POLR2B: variants seen among roughly 807,000 people sequenced by gnomAD.
POLR2B encodes the protein DNA-directed RNA polymerase II subunit RPB2.
In POLR2B, 57 loss-of-function variants were observed where a neutral mutation model predicts 144.6. The ratio of observed to expected loss-of-function variants is 0.39; its 90% confidence interval spans 0.32 to 0.49. The LOEUF is 0.49. Ranked by LOEUF, POLR2B falls within the 20% of genes least tolerant of loss-of-function variation. The pLI is 0.83. For missense variants in POLR2B, 595 were observed against 1,467.4 expected (o/e 0.41, Z 9.71); for synonymous variants, 442 against 469.8 (o/e 0.94, Z 0.77).
intron 16 of POLR2B, among the ~76,000 whole-genome samples, chr4:57,019,480 C>T (rs555562442): frequency 3.3e-5 from 5 of 152,150 alleles, no homozygotes; most frequent in South Asian, 2.1e-4. Flanking sequence ...GCCGGGATTA[C>T]AGATGTAAGC....
At position 56,993,302 on chromosome 4, in the gene POLR2B, C is replaced by CAAACA. The variant is rs538948323; in HGVS notation, c.244-1088_244-1084dup. Among the ~76,000 whole-genome samples, 83 of 151,880 alleles carry CAAACA rather than the reference C, an allele frequency of 5.5e-4. 1 individual carries two copies. In the South Asian group the frequency reaches 0.014, roughly 26 times the overall value. Reference sequence around the variant, plus strand: ...TGGGTGACAGAGTGAGACCCTGTCTCAAACAAAACAAAACAAAATGAAACA... The same window carrying CAAACA: ...TGGGTGACAGAGTGAGACCCTGTCTCAAACAAAACAAAACAAAACAAAATGAAACA... On this transcript the variant is annotated intron_variant, in intron 3 of 24. Coordinates refer to ENST00000314595, the MANE Select transcript of POLR2B (RefSeq NM_000938.3).
At chr4:56,984,567 G>A (rs926205269) in intron 1 of POLR2B, among the ~76,000 whole-genome samples, 4 of 152,138 alleles carry the variant, frequency 2.6e-5, no homozygotes, top group South Asian at 4.2e-4. Flanking sequence ...CATCTTACTT[G>A]CTTCTCCTGT....
In POLR2B at chr4:57,030,287, T is replaced by A; in HGVS notation, c.3323T>A (p.Phe1108Tyr). The change falls in exon 24 of 25, where the codon TTT becomes TAT. Residue 1108 changes from phenylalanine (F) to tyrosine (Y), a missense_variant. Physicochemically the swap from Phe to Tyr is conservative, Grantham distance 22. Coordinates refer to ENST00000314595, the MANE Select transcript of POLR2B (RefSeq NM_000938.3). ...GCCCAGTTTTTAAGGGAAAGATTGT[T>A]TGAGGCATCAGATCCATATCAGGTT... ...GAAQFLRERLFEASDPYQVHV... is the reference protein window; with the variant it reads ...GAAQFLRERLYEASDPYQVHV... 6.2e-7 allele frequency: 1 copy of A among 1,614,134 alleles called. No homozygotes were observed. The highest frequency in any genetic ancestry group is 8.5e-7 in the Non-Finnish European group (1 of 1,179,940).
intron 11 of POLR2B, 74 bp from the exon 12 acceptor site, chr4:57,010,674 G>A: frequency 1.4e-6 from 2 of 1,419,812 alleles, no homozygotes; most frequent in Non-Finnish European, 1.9e-6. Flanking sequence ...TCACATTGAA[G>A]GAAAAATGTT....
intron 18 of POLR2B, 76 bp downstream of exon 18, chr4:57,022,322 T>G: frequency 3.0e-5 from 25 of 837,622 alleles, no homozygotes; most frequent in Non-Finnish European, 4.4e-5. Flanking sequence ...TTTGATGGGT[T>G]GTGTCACCCT....
intron 7 of POLR2B, among the ~76,000 whole-genome samples, chr4:57,004,541 T>C (rs1163619847): frequency 4.6e-5 from 7 of 152,142 alleles, no homozygotes; most frequent in Admixed American, 1.3e-4. Flanking sequence ...GGCCAAACAT[T>C]TTTTAATACC....
At chr4:57,004,151 C>T (rs1312868474) in intron 7 of POLR2B, among the ~76,000 whole-genome samples, 5 of 150,608 alleles carry the variant, frequency 3.3e-5, no homozygotes, top group Non-Finnish European at 4.4e-5. Flanking sequence ...CTCAGCCTCC[C>T]AAGTAGCTGG....
In POLR2B at chr4:57,019,814, C is replaced by T. The variant is rs187903693; in HGVS notation, c.2324-1085C>T. On this transcript the variant is annotated intron_variant, in intron 16 of 24. Coordinates refer to ENST00000314595, the MANE Select transcript of POLR2B (RefSeq NM_000938.3). ...CAACTGTTATTGTATTCAAACCTAA[C>T]GATGTCTTTAATGGGTCTAGGAGCT... is the stretch of plus-strand genomic sequence containing the variant. 3.7e-3 allele frequency among the ~76,000 whole-genome samples: 514 copies of T among 137,678 alleles called. 2 individuals carry two copies. Among genetic ancestry groups the T allele is most frequent in the Middle Eastern group, 0.02 (5 of 244 alleles). The allele number at this position is 137,678 out of a possible 152,430, so 90.3% of individuals were successfully genotyped here. A position where few individuals can be genotyped will look rare whatever the true frequency, so the allele number is the denominator to read the frequency against.
At chr4:57,010,167 T>C (rs1231090022) in intron 10 of POLR2B, 194 bp from the exon 11 acceptor site, 8 of 550,744 alleles carry the variant, frequency 1.5e-5, no homozygotes, top group Admixed American at 3.3e-5. Flanking sequence ...GTGGTATGTT[T>C]GAATATATTT....
intron 17 of POLR2B, among the ~76,000 whole-genome samples, chr4:57,021,529 A>C (rs1331189708): frequency 1.5e-5 from 2 of 134,010 alleles, no homozygotes; most frequent in Non-Finnish European, 3.1e-5. Flanking sequence ...TTCTGTTGCC[A>C]AGACTGGAAT....
chr4:57,012,357 A>G (rs1458072929), intron 13 of POLR2B, among the ~76,000 whole-genome samples: 1 of 152,002 alleles, frequency 6.6e-6, no homozygotes, highest in African/African-American at 2.4e-5. Flanking sequence ...ATGAGCAGAG[A>G]TTGCACCATT....
Sources: gnomAD v4.1 joint callset for allele counts (sites outside exome capture counted in the v4.1 genomes callset) on GRCh38, gnomAD v4.1.1 for gene constraint, MANE v1.5 for transcripts, NCBI Gene and HGNC (gene_info 2026-07-23, HGNC 2026-07-21) for gene names.